The following ARHGEF26 variants were observed in gnomAD, a reference collection of about 807,000 sequenced individuals.
The protein encoded by ARHGEF26 is Rho guanine nucleotide exchange factor 26.
In ARHGEF26, 59 loss-of-function variants were observed where a neutral mutation model predicts 89.4. That is an observed-to-expected ratio of 0.66 (90% CI 0.54 to 0.82). ARHGEF26 has a LOEUF of 0.82. Among genes scored for constraint, ARHGEF26 ranks in the 40% least tolerant of loss-of-function variants. The pLI, the probability that ARHGEF26 is intolerant of heterozygous loss-of-function variation, is 0.00. For synonymous variants in ARHGEF26, 500 were observed against 428.4 expected (o/e 1.17, Z -2.06); for missense variants, 1,234 against 1,085.6 (o/e 1.14, Z -1.92).
chr3:154,128,749 T>C (rs1718491189), intron 3 of ARHGEF26, among the ~76,000 whole-genome samples: 1 of 152,188 alleles, frequency 6.6e-6, no homozygotes, highest in African/African-American at 2.4e-5. Flanking sequence ...TTGATACAGG[T>C]GGCTCACTTT....
intron 6 of ARHGEF26, among the ~76,000 whole-genome samples, chr3:154,158,723 A>G (rs1271249732): frequency 6.6e-6 from 1 of 152,178 alleles, no homozygotes; most frequent in African/African-American, 2.4e-5. Flanking sequence ...TTTCAATTAG[A>G]AATGAATAGG....
chr3:154,156,237 C>A (rs1442452383), intron 6 of ARHGEF26, among the ~76,000 whole-genome samples: 2 of 151,878 alleles, frequency 1.3e-5, no homozygotes, highest in African/African-American at 4.8e-5. Context: ...AATTGGTTAA[C>A]CTTGAAATAA....
rs1576842099 is a variant in ARHGEF26 at position 154,257,413 on chromosome 3, T to C, written c.*1940T>C. ...AAGTTGTAATATAATCTGTCATGTT[T>C]TATTTAGGAAGGAAGGTAAATTTGT... On this transcript the variant is annotated 3_prime_UTR_variant, in exon 15 of 15. Coordinates refer to ENST00000465093, the MANE Select transcript of ARHGEF26 (RefSeq NM_015595.4). The C allele has an allele frequency of 6.6e-6, 1 of 152,520 alleles. No individual in the cohort carries two copies. Among genetic ancestry groups the C allele is most frequent in the African/African-American group, 2.4e-5 (1 of 41,478 alleles). The allele number at this position is 152,520 out of a possible 1,614,324, so 9.4% of individuals were successfully genotyped here.
intron 4 of ARHGEF26, among the ~76,000 whole-genome samples, chr3:154,144,679 T>C (rs1576699013): frequency 6.6e-6 from 1 of 152,354 alleles, no homozygotes; most frequent in Non-Finnish European, 1.5e-5. Flanking sequence ...ATGCAGGGCA[T>C]AGAGGAGCAA....
At chr3:154,187,895 A>G (rs1227543523) in intron 7 of ARHGEF26, 58 bp downstream of exon 7, 13 of 1,420,538 alleles carry the variant, frequency 9.2e-6, no homozygotes, top group African/African-American at 1.4e-5. Flanking sequence ...ATTAGGCTAC[A>G]TTGACTGAAA....
At chr3:154,238,619 CT>C (rs1375019970) in intron 11 of ARHGEF26, among the ~76,000 whole-genome samples, 1 of 152,132 alleles carries the variant, frequency 6.6e-6, no homozygotes, top group Non-Finnish European at 1.5e-5. Flanking sequence ...CTAAGCTCCC[CT>C]GACATCATTC....
intron 6 of ARHGEF26, among the ~76,000 whole-genome samples, chr3:154,184,991 G>C (rs1001879265): frequency 2.6e-5 from 4 of 152,054 alleles, no homozygotes; most frequent in Non-Finnish European, 5.9e-5. Context: ...TGCTTCCACT[G>C]CCCATTGTGC....
In ARHGEF26 at chr3:154,122,895, C is replaced by CGT; in HGVS notation, c.905_906dup (p.Asp303TrpfsTer43). On this transcript the variant is annotated frameshift_variant, in exon 2 of 15. Coordinates refer to ENST00000465093, the MANE Select transcript of ARHGEF26 (RefSeq NM_015595.4). LOFTEE classifies it high-confidence loss of function. ...GGGAGGAGAGTGAGGTCGATAACGACGTGGATAGCCCAGGGTCTCTGCGGA... is the reference window on the plus strand; with the variant it reads ...GGGAGGAGAGTGAGGTCGATAACGACGTGTGGATAGCCCAGGGTCTCTGCGGA... 1 of 1,613,068 alleles carries CGT rather than the reference C, an allele frequency of 6.2e-7. No homozygotes were observed. The highest frequency in any genetic ancestry group is 8.5e-7 in the Non-Finnish European group (1 of 1,179,516).
intron 11 of ARHGEF26, among the ~76,000 whole-genome samples, chr3:154,239,421 A>G (rs2108281917): frequency 6.6e-6 from 1 of 152,008 alleles, no homozygotes; most frequent in Middle Eastern, 3.4e-3. Context: ...CCAGGGGTCT[A>G]TAGATGACTG....
chr3:154,230,646 G>T (rs549338446), intron 11 of ARHGEF26, among the ~76,000 whole-genome samples: 5 of 152,198 alleles, frequency 3.3e-5, no homozygotes, highest in African/African-American at 9.6e-5. Flanking sequence ...CAGAATCTGG[G>T]GAAGAGTTTC....
chr3:154,197,308 A>G (rs1714353772), intron 9 of ARHGEF26, among the ~76,000 whole-genome samples: 1 of 152,166 alleles, frequency 6.6e-6, no homozygotes, highest in African/African-American at 2.4e-5. Flanking sequence ...TTATTTGTAA[A>G]GGTTACTGAT....
At chr3:154,167,950 AG>A (rs1007793659) in intron 6 of ARHGEF26, among the ~76,000 whole-genome samples, 1 of 152,210 alleles carries the variant, frequency 6.6e-6, no homozygotes, top group Non-Finnish European at 1.5e-5. Context: ...TTTAAAAATA[AG>A]AAATAAAATT....
At chr3:154,172,277 A>G (rs1368529536) in intron 6 of ARHGEF26, among the ~76,000 whole-genome samples, 1 of 152,244 alleles carries the variant, frequency 6.6e-6, no homozygotes, top group African/African-American at 2.4e-5. Context: ...AGAGCACTTC[A>G]GTAAATGCAG....
At chr3:154,219,580 G>A (rs1715986010) in intron 10 of ARHGEF26, among the ~76,000 whole-genome samples, 1 of 147,974 alleles carries the variant, frequency 6.8e-6, no homozygotes, top group African/African-American at 2.5e-5. Context: ...GGGCAAAAGA[G>A]CAAGACTCTT....
At chr3:154,148,767 TCTC>T (rs1471427390) in intron 4 of ARHGEF26, among the ~76,000 whole-genome samples, 3 of 152,080 alleles carry the variant, frequency 2.0e-5, no homozygotes, top group Non-Finnish European at 4.4e-5. Flanking sequence ...TTCTGGCCAG[TCTC>T]CTCCCTTATT....
At chr3:154,254,496 A>G (rs1044851620) in intron 13 of ARHGEF26, among the ~76,000 whole-genome samples, 1 of 152,174 alleles carries the variant, frequency 6.6e-6, no homozygotes, top group Non-Finnish European at 1.5e-5. Flanking sequence ...GAGGGGAATC[A>G]TGCATCATAA....
At chr3:154,217,730 G>A (rs888395394) in intron 9 of ARHGEF26, 139 bp from the exon 10 acceptor site, 1 of 674,112 alleles carries the variant, frequency 1.5e-6, no homozygotes, top group African/African-American at 1.8e-5. Context: ...TGTCTTAACT[G>A]TGAAAAACTG....
intron 4 of ARHGEF26, among the ~76,000 whole-genome samples, chr3:154,130,207 C>G (rs561373997): frequency 8.3e-6 from 1 of 120,848 alleles, no homozygotes; most frequent in Non-Finnish European, 1.6e-5. Context: ...AGTTCAGTGG[C>G]GTGATCTCGG....
intron 9 of ARHGEF26, among the ~76,000 whole-genome samples, chr3:154,208,449 T>C (rs1421777249): frequency 6.6e-6 from 1 of 152,182 alleles, no homozygotes; most frequent in East Asian, 1.9e-4. Context: ...CTTGGCGTTC[T>C]GTAACCTTCT....
Sources: gnomAD v4.1 joint callset for allele counts (sites outside exome capture counted in the v4.1 genomes callset) on GRCh38, gnomAD v4.1.1 for gene constraint, MANE v1.5 for transcripts, NCBI Gene and HGNC (gene_info 2026-07-23, HGNC 2026-07-21) for gene names.